Variants in SHANK2 observed in about 807,000 individuals in gnomAD.
SHANK2 encodes the protein SH3 and multiple ankyrin repeat domains 2, also known as SH3 and multiple ankyrin repeat domains protein 2.
SHANK2 carries 43 observed loss-of-function variants against 133.7 expected under a neutral mutation model. The ratio of observed to expected loss-of-function variants is 0.32; its 90% CI spans 0.25 to 0.41. SHANK2 has a LOEUF of 0.41. Ranked by LOEUF, SHANK2 falls within the 10% of genes least tolerant of loss-of-function variation. The pLI, the probability that SHANK2 is intolerant of heterozygous loss-of-function variation, is 1.00. For synonymous variants in SHANK2, 1,017 were observed against 952.8 expected (o/e 1.07, Z -1.24); for missense variants, 1,994 against 2,235.8 (o/e 0.89, Z 2.18).
chr11:70,870,594 G>C (rs1159958511), intron 11 of SHANK2, among the ~76,000 whole-genome samples: 1 of 151,324 alleles, frequency 6.6e-6, no homozygotes, highest in Non-Finnish European at 1.5e-5. Context: ...TGTTGGCAGT[G>C]GGGGGGTTCA....
intron 17 of SHANK2, among the ~76,000 whole-genome samples, chr11:70,582,241 T>C (rs910810432): frequency 8.5e-5 from 13 of 152,214 alleles, no homozygotes; most frequent in South Asian, 2.1e-4. Flanking sequence ...GGGCCTGGCA[T>C]TGGCACCAGC....
intron 25 of SHANK2, among the ~76,000 whole-genome samples, chr11:70,478,780 G>C (rs1390288870): frequency 6.6e-6 from 1 of 152,188 alleles, no homozygotes; most frequent in African/African-American, 2.4e-5. Context: ...AATAATTGTT[G>C]ACTGAAGTGT....
At chr11:70,922,235 C>T (rs1455608131) in intron 10 of SHANK2, among the ~76,000 whole-genome samples, 1 of 152,070 alleles carries the variant, frequency 6.6e-6, no homozygotes, top group Non-Finnish European at 1.5e-5. Flanking sequence ...AACTGAAGCA[C>T]AGAGAGAAGG....
rs1565368233 is a variant in SHANK2, at chr11:70,863,185, A to C, written c.1174+33316T>G. 184 of 371,546 alleles carry C rather than the reference A, an allele frequency of 5.0e-4. 4 individuals carry two copies. Among genetic ancestry groups the C allele is most frequent in the South Asian group, 3.6e-3 (182 of 50,476 alleles). 23.0% of individuals were successfully genotyped at this position (371,546 alleles called of 1,614,324 possible). ...TTGTAGGCCAGACAGCAGGTGAGAG[A>C]GGTCCCTGGTCAGGAGGGGTTGGCC... On this transcript the variant is annotated intron_variant, in intron 11 of 25. Transcript: ENST00000601538.
At chr11:70,671,259 C>G (rs111402203) in intron 15 of SHANK2, among the ~76,000 whole-genome samples, 1 of 152,078 alleles carries the variant, frequency 6.6e-6, no homozygotes, top group Non-Finnish European at 1.5e-5. Flanking sequence ...CCTGCCGAGA[C>G]GAACGGAAAC....
chr11:70,621,739 G>A (rs762495540), intron 17 of SHANK2, among the ~76,000 whole-genome samples: 9 of 152,204 alleles, frequency 5.9e-5, no homozygotes, highest in Non-Finnish European at 1.2e-4. Context: ...GCCTGAGGAC[G>A]TGGGTATGGG....
At chr11:71,128,256 G>A (rs1183610409) in intron 3 of SHANK2, among the ~76,000 whole-genome samples, 1 of 152,158 alleles carries the variant, frequency 6.6e-6, no homozygotes, top group Non-Finnish European at 1.5e-5. Flanking sequence ...CTCCTAACTG[G>A]TAGGCAGGAG....
chr11:71,069,941 GC>G (rs1951121167), intron 9 of SHANK2, among the ~76,000 whole-genome samples: 1 of 152,194 alleles, frequency 6.6e-6, no homozygotes, highest in South Asian at 2.1e-4. Flanking sequence ...AGTGGTTTCT[GC>G]CCCCTGCATG....
intron 17 of SHANK2, chr11:70,634,099 G>A (rs540659468): frequency 1.3e-5 from 2 of 152,108 alleles, no homozygotes; most frequent in Admixed American, 6.5e-5. Flanking sequence ...GTGGGTCCTG[G>A]GTCAAAGTCA....
At chr11:70,728,752 C>A (rs1414153507) in intron 14 of SHANK2, among the ~76,000 whole-genome samples, 1 of 152,172 alleles carries the variant, frequency 6.6e-6, no homozygotes, top group African/African-American at 2.4e-5. Context: ...AAACAAAAAA[C>A]CAGTTCCAAA....
At chr11:71,137,062 A>G (rs1470982436) in intron 3 of SHANK2, among the ~76,000 whole-genome samples, 1 of 151,844 alleles carries the variant, frequency 6.6e-6, no homozygotes, top group African/African-American at 2.4e-5. Flanking sequence ...TGGATTTCAC[A>G]ATGTTGGCCA....
chr11:70,575,567 G>A (rs1400585096), intron 17 of SHANK2, among the ~76,000 whole-genome samples: 1 of 151,802 alleles, frequency 6.6e-6, no homozygotes, highest in Non-Finnish European at 1.5e-5. Flanking sequence ...CCAAAGCGGG[G>A]ACACAGAGTC....
At chr11:71,164,503 C>A (rs1555110431) in intron 2 of SHANK2, among the ~76,000 whole-genome samples, 1 of 152,218 alleles carries the variant, frequency 6.6e-6, no homozygotes, top group Non-Finnish European at 1.5e-5. Context: ...CCACCTAAGA[C>A]ACCTCCAATT....
At chr11:71,236,195 G>A (rs1231478541) in intron 1 of SHANK2, among the ~76,000 whole-genome samples, 3 of 152,174 alleles carry the variant, frequency 2.0e-5, no homozygotes, top group Non-Finnish European at 2.9e-5. Flanking sequence ...AGAAGGCAAC[G>A]GGGCAGACTG....
chr11:71,229,282 T>C (rs7120230), intron 1 of SHANK2, among the ~76,000 whole-genome samples: 10,546 of 152,118 alleles, frequency 0.069, 411 homozygotes, highest in Middle Eastern at 0.14. Flanking sequence ...AGGAACAAAA[T>C]TGTCCCTATT....
At chr11:70,906,497 G>A (rs917857501) in intron 10 of SHANK2, among the ~76,000 whole-genome samples, 5 of 152,176 alleles carry the variant, frequency 3.3e-5, no homozygotes, top group African/African-American at 7.2e-5. Flanking sequence ...CCACCGCCCC[G>A]ACGAAGCCTC....
At chr11:70,893,104 A>G (rs1012980497) in intron 11 of SHANK2, among the ~76,000 whole-genome samples, 8 of 152,196 alleles carry the variant, frequency 5.3e-5, no homozygotes, top group Non-Finnish European at 1.2e-4. Context: ...GGAGACCACA[A>G]CTGCATCTGG....
intron 14 of SHANK2, among the ~76,000 whole-genome samples, chr11:70,719,708 A>T (rs949281327): frequency 6.6e-6 from 1 of 151,596 alleles, no homozygotes; most frequent in Non-Finnish European, 1.5e-5. Context: ...AGCTGCGGAG[A>T]CAGGAGGTAA....
At chr11:70,924,371 T>C (rs932186616) in intron 10 of SHANK2, among the ~76,000 whole-genome samples, 2 of 152,166 alleles carry the variant, frequency 1.3e-5, no homozygotes, top group South Asian at 4.2e-4. Flanking sequence ...CGGGCTCAGG[T>C]GTGAGAGTCA....
Sources: gnomAD v4.1 joint callset for allele counts (sites outside exome capture counted in the v4.1 genomes callset) on GRCh38, gnomAD v4.1.1 for gene constraint, MANE v1.5 for transcripts, NCBI Gene and HGNC (gene_info 2026-07-23, HGNC 2026-07-21) for gene names.